The following ARHGEF11 variants were observed in gnomAD, a reference collection of about 807,000 sequenced individuals.
ARHGEF11 encodes the protein Rho guanine nucleotide exchange factor 11.
ARHGEF11 carries 55 observed loss-of-function variants against 193.7 expected under a neutral mutation model. The observed-to-expected ratio is 0.28, with a 90% CI of 0.23 to 0.36. The LOEUF (loss-of-function observed/expected upper bound fraction) is 0.36. ARHGEF11 is among the 10% of genes least tolerant of loss of function. The pLI, the probability that ARHGEF11 is intolerant of heterozygous loss-of-function variation, is 1.00. For missense variants in ARHGEF11, 1,723 were observed against 2,005.6 expected (o/e 0.86, Z 2.69); for synonymous variants, 693 against 768.0 (o/e 0.90, Z 1.62).
chr1:156,938,029 G>A (rs555159726), intron 38 of ARHGEF11, among the ~76,000 whole-genome samples: 60 of 152,210 alleles, frequency 3.9e-4, no homozygotes, highest in South Asian at 1.2e-3. Context: ...GAACCACCGC[G>A]GAATCTGGGA....
intron 9 of ARHGEF11, among the ~76,000 whole-genome samples, chr1:156,969,686 T>C (rs1258295316): frequency 1.3e-5 from 2 of 152,210 alleles, no homozygotes; most frequent in African/African-American, 4.8e-5. Context: ...ACCACCCATT[T>C]CTTCTTACAA....
At position 156,969,207 on chromosome 1, in the gene ARHGEF11, A is replaced by G. The variant is rs1662171298; in HGVS notation, c.825+75T>C. 3 of 1,204,880 alleles carry G rather than the reference A, an allele frequency of 2.5e-6. No homozygotes were observed. In the South Asian group the frequency reaches 3.9e-5, roughly 16 times the overall value. The allele number at this position is 1,204,880 out of a possible 1,614,324, so 74.6% of individuals were successfully genotyped here. On this transcript the variant is annotated intron_variant, in intron 10 of 40. Transcript: ENST00000368194. ...ACACAGAGGCCTCAGTGCAGCTGGT[A>G]GGCAGCAGAACTTGGGTCAAGGGAA...
intron 5 of ARHGEF11, 74 bp downstream of exon 5, chr1:156,979,155 A>ACCTTTCCTCCCT (rs1206952697): frequency 5.6e-6 from 8 of 1,433,066 alleles, no homozygotes; most frequent in Non-Finnish European, 7.8e-6. Flanking sequence ...GCCAGGCCTG[A>ACCTTTCCTCCCT]CCTTTCCTCC....
At position 156,938,497 on chromosome 1, in the gene ARHGEF11, G is replaced by A. The variant is rs1261816605; in HGVS notation, c.4113C>T (p.Ser1371=). The A allele has an allele frequency of 3.7e-6, 6 of 1,613,284 alleles. No individual in the cohort carries two copies. The highest frequency in any genetic ancestry group is 5.1e-6 in the Non-Finnish European group (6 of 1,179,648). The stretch of plus-strand genomic sequence containing the variant: ...TCTCTGGTAGTGCAGGGACAACCTT[G>A]CTGCCTGCCACCTCAGCTGCACCGA... ...KVVRKAEVAG[S]KVVPALPESG... Residue 1371 remains serine, a synonymous_variant, in exon 38 of 41, where the codon AGC becomes AGT. Coordinates refer to ENST00000368194, the MANE Select transcript of ARHGEF11 (RefSeq NM_198236.3).
chr1:156,948,633 G>A lies in ARHGEF11; in HGVS notation c.1926-135C>T, dbSNP rs1658599591. On this transcript the variant is annotated intron_variant, in intron 22 of 40. Coordinates refer to ENST00000368194, the MANE Select transcript of ARHGEF11 (RefSeq NM_198236.3). The surrounding 1 kb of genome is among the most constrained non-coding windows in gnomAD (Gnocchi z 4.2). Reference sequence around the variant, plus strand: ...GGTTCTCCTCCTGAACATGGCCAAAGCAGCTGGATGGCAGTGGAAGCTTCT... The same window carrying A: ...GGTTCTCCTCCTGAACATGGCCAAAACAGCTGGATGGCAGTGGAAGCTTCT... 3.8e-6 allele frequency: 6 copies of A among 1,577,186 alleles called. No individual in the cohort carries two copies. Among genetic ancestry groups the A allele is most frequent in the African/African-American group, 1.3e-5 (1 of 74,178 alleles).
intron 1 of ARHGEF11, among the ~76,000 whole-genome samples, chr1:157,019,179 A>G (rs1185500607): frequency 6.6e-6 from 1 of 152,208 alleles, no homozygotes; most frequent in Non-Finnish European, 1.5e-5. Flanking sequence ...AAGACAAAGC[A>G]TTTTACTGTA....
intron 16 of ARHGEF11, 52 bp downstream of exon 16, chr1:156,958,994 A>G: frequency 6.2e-7 from 1 of 1,611,536 alleles, no homozygotes; most frequent in African/African-American, 1.3e-5. Context: ...AGCCAGGGCC[A>G]AGAGGCGGAG....
chr1:156,950,966 A>C (rs1370024249), intron 22 of ARHGEF11, among the ~76,000 whole-genome samples: 1 of 152,232 alleles, frequency 6.6e-6, no homozygotes, highest in Non-Finnish European at 1.5e-5. Context: ...TCTAGTTAGA[A>C]CCTGACCAAA....
At chr1:156,941,101 C>T (rs995553777) in intron 35 of ARHGEF11, among the ~76,000 whole-genome samples, 2 of 103,050 alleles carry the variant, frequency 1.9e-5, no homozygotes, top group African/African-American at 7.3e-5. Context: ...CGCCAGACTG[C>T]TCGTCTTCTT....
At chr1:157,027,743 C>T (rs1350007112) in intron 1 of ARHGEF11, among the ~76,000 whole-genome samples, 1 of 152,176 alleles carries the variant, frequency 6.6e-6, no homozygotes, top group East Asian at 1.9e-4. Flanking sequence ...CTCCCCTGAT[C>T]CTGGGTTGGC....
In ARHGEF11 at chr1:156,937,482, C is replaced by T. The variant is rs769274309; in HGVS notation, c.4207G>A (p.Val1403Ile). ...GTKATGNCFYVSMPSGPPDSS... is the reference protein window; with the variant it reads ...GTKATGNCFYISMPSGPPDSS... ...TCCGGGGGTCCTGATGGCATGCTGA[C>T]ATAAAAGCAGTTCCCTGTCCCCACA... Residue 1403 changes from valine to isoleucine, a missense_variant, in exon 39 of 41, where the codon GTC becomes ATC. Val to Ile is a conservative substitution (Grantham distance 29). Transcript: ENST00000368194. The T allele has an allele frequency of 6.6e-6, 10 of 1,525,424 alleles. No individual in the cohort carries two copies. The Admixed American group carries it at 2.2e-4, about 34-fold the overall frequency. The allele number at this position is 1,525,424 out of a possible 1,614,324, so 94.5% of individuals were successfully genotyped here. A position where few individuals can be genotyped will look rare whatever the true frequency, so the allele number is the denominator to read the frequency against.
Position 156,988,678 on chromosome 1 carries a change from G to A in ARHGEF11, c.33-2505C>T, listed in dbSNP as rs1053764667. Among the ~76,000 whole-genome samples, 4 of 152,326 alleles carry A rather than the reference G, an allele frequency of 2.6e-5. No homozygotes were observed. In the East Asian group the frequency reaches 7.7e-4, roughly 29 times the overall value. On this transcript the variant is annotated intron_variant, in intron 1 of 40. Coordinates refer to ENST00000368194, the MANE Select transcript of ARHGEF11 (RefSeq NM_198236.3). ...ATGTCCCTGCTGTCAACAATTGTTAGGGGCATGGACAAAGACCATTTCAGC... is the reference window on the plus strand; with the variant it reads ...ATGTCCCTGCTGTCAACAATTGTTAAGGGCATGGACAAAGACCATTTCAGC...
At position 156,941,352 on chromosome 1, in the gene ARHGEF11, G is replaced by A. The variant is rs1656865959; in HGVS notation, c.3514+20C>T. On this transcript the variant is annotated intron_variant, in intron 35 of 40. Coordinates refer to ENST00000368194, the MANE Select transcript of ARHGEF11 (RefSeq NM_198236.3). ...AAAAAGGCCTGGGCTGGCTCCCACA[G>A]GACAGTTCAGGGCCCTTACCTCCAG... is the stretch of plus-strand genomic sequence containing the variant. 2 of 1,613,344 alleles carry A rather than the reference G, an allele frequency of 1.2e-6. No individual in the cohort carries two copies. The highest frequency in any genetic ancestry group is 1.7e-6 in the Non-Finnish European group (2 of 1,179,596).
rs76229483 is a variant in ARHGEF11, at chr1:157,010,009, G to C, written c.33-23836C>G. Among the ~76,000 whole-genome samples, 145 of 152,118 alleles carry C rather than the reference G, an allele frequency of 9.5e-4. 2 individuals carry two copies. In the East Asian group the frequency reaches 0.026, roughly 28 times the overall value. Reference sequence around the variant, plus strand: ...CACAGCTAACATCATACTCAACAGGGAAAGACTTGCCCCTAAGGTCAGCAA... The same window carrying C: ...CACAGCTAACATCATACTCAACAGGCAAAGACTTGCCCCTAAGGTCAGCAA... On this transcript the variant is annotated intron_variant, in intron 1 of 40. Transcript: ENST00000368194.
chr1:156,949,795 T>C (rs1453313515), intron 22 of ARHGEF11, among the ~76,000 whole-genome samples: 1 of 152,062 alleles, frequency 6.6e-6, no homozygotes, highest in Non-Finnish European at 1.5e-5. Context: ...CACCAAGAAG[T>C]GAGGCATATC....
intron 1 of ARHGEF11, among the ~76,000 whole-genome samples, chr1:157,027,984 C>A (rs1324390874): frequency 6.6e-6 from 1 of 152,150 alleles, no homozygotes; most frequent in Admixed American, 6.5e-5. Flanking sequence ...GCTGTTTGAG[C>A]CCTTCCAACA....
At chr1:156,963,452 G>A in intron 12 of ARHGEF11, 68 bp downstream of exon 12, 1 of 1,556,930 alleles carries the variant, frequency 6.4e-7, no homozygotes, top group Non-Finnish European at 8.8e-7. Context: ...TAGTCAAACT[G>A]CTTCTAGTCA....
intron 1 of ARHGEF11, among the ~76,000 whole-genome samples, chr1:157,000,819 G>A (rs1249299010): frequency 1.3e-5 from 2 of 152,186 alleles, no homozygotes; most frequent in East Asian, 3.8e-4. Context: ...GATGCAAACT[G>A]AGTCATGGCA....
chr1:156,967,918 G>A (rs1458094161), intron 11 of ARHGEF11, 69 bp downstream of exon 11: 1 of 1,608,052 alleles, frequency 6.2e-7, no homozygotes, highest in Non-Finnish European at 8.5e-7. Context: ...CGATGTACTG[G>A]TAACACCCAT....
Sources: allele counts gnomAD v4.1 joint callset (sites outside exome capture counted in the v4.1 genomes callset), GRCh38; gene constraint gnomAD v4.1.1; non-coding constraint Gnocchi (gnomAD v3.1); transcripts MANE v1.5; gene names NCBI Gene and HGNC (gene_info 2026-07-23, HGNC 2026-07-21).